The following SAG variants were observed in gnomAD, a reference collection of about 807,000 sequenced individuals.
SAG encodes the protein S-antigen visual arrestin.
In SAG, 45 loss-of-function variants were observed where a neutral mutation model predicts 55.0. That is an observed-to-expected ratio of 0.82 (90% CI 0.64 to 1.05). The LOEUF (loss-of-function observed/expected upper bound fraction) is 1.05. Ranked by LOEUF, SAG falls within the 50% of genes least tolerant of loss-of-function variation. SAG has a pLI of 0.00. For missense variants in SAG, 455 were observed against 512.1 expected (o/e 0.89, Z 1.08); for synonymous variants, 189 against 197.4 (o/e 0.96, Z 0.36).
chr2:233,311,339 G>A (rs1057235996), intron 2 of SAG, among the ~76,000 whole-genome samples: 6 of 152,278 alleles, frequency 3.9e-5, no homozygotes, highest in South Asian at 2.1e-4. Flanking sequence ...CCAGAAGGAA[G>A]AGGCTGTGGT....
At chr2:233,311,896 C>T (rs1208981962) in intron 2 of SAG, among the ~76,000 whole-genome samples, 1 of 152,272 alleles carries the variant, frequency 6.6e-6, no homozygotes, top group South Asian at 2.1e-4. Context: ...GAGGCCAAGG[C>T]AGGTGGATCA....
intron 13 of SAG, among the ~76,000 whole-genome samples, chr2:233,341,122 C>T (rs1412606823): frequency 6.6e-6 from 1 of 152,040 alleles, no homozygotes; most frequent in Non-Finnish European, 1.5e-5. Context: ...CAAATTTTAC[C>T]ATTTTAACCG....
Position 233,346,934 on chromosome 2 carries a change from GA to G in SAG, c.*26del, listed in dbSNP as rs1701271681. On this transcript the variant is annotated 3_prime_UTR_variant, in exon 16 of 16. Transcript: ENST00000409110. ...GTGAAGATGTCGGCTCAGGATGCCG[GA>G]AAATGACCTGTAGTTACCAGTGCAA... is the stretch of plus-strand genomic sequence containing the variant. 2.1e-6 allele frequency: 3 copies of G among 1,420,504 alleles called. No homozygotes were observed. Among genetic ancestry groups the G allele is most frequent in the Non-Finnish European group, 3.0e-6 (3 of 1,010,348 alleles). 88.0% of individuals were successfully genotyped at this position (1,420,504 alleles called of 1,614,324 possible). A position where few individuals can be genotyped will look rare whatever the true frequency, so the allele number is the denominator to read the frequency against.
chr2:233,318,810 C>G lies in SAG; in HGVS notation c.181+15C>G. 1 of 1,611,826 alleles carries G rather than the reference C, an allele frequency of 6.2e-7. No individual in the cohort carries two copies. The highest frequency in any genetic ancestry group is 1.1e-5 in the South Asian group (1 of 91,026). On this transcript the variant is annotated intron_variant, in intron 4 of 15. Coordinates refer to ENST00000409110, the MANE Select transcript of SAG (RefSeq NM_000541.5). ...GGGAAAGAAAGGTGAGATGAAGCCC[C>G]TTGTCTCAGGCTGGTTTCTGGGCGG...
intron 3 of SAG, among the ~76,000 whole-genome samples, chr2:233,318,534 G>A (rs1700281043): frequency 1.3e-5 from 2 of 151,730 alleles, no homozygotes; most frequent in African/African-American, 4.8e-5. Flanking sequence ...CACCTGACCT[G>A]GAAAAATAAA....
At chr2:233,328,636 A>C in intron 8 of SAG, 23 bp downstream of exon 8, 1 of 1,592,370 alleles carries the variant, frequency 6.3e-7, no homozygotes, top group Non-Finnish European at 8.6e-7. Context: ...CATCGCTACT[A>C]CCCGCAGGGC....
chr2:233,322,919 T>C (rs528775314), intron 5 of SAG, 27 bp from the exon 6 acceptor site: 11 of 1,402,974 alleles, frequency 7.8e-6, no homozygotes, highest in Middle Eastern at 1.7e-4. Flanking sequence ...CTGAAATAAA[T>C]GATTTTTTAT....
intron 12 of SAG, among the ~76,000 whole-genome samples, chr2:233,339,974 T>C (rs1701050930): frequency 6.7e-6 from 1 of 149,716 alleles, no homozygotes; most frequent in South Asian, 2.1e-4. Flanking sequence ...CTTTTTTTTT[T>C]GAGACGGAGT....
chr2:233,311,551 C>T (rs976068132), intron 2 of SAG, among the ~76,000 whole-genome samples: 1 of 152,134 alleles, frequency 6.6e-6, no homozygotes, highest in African/African-American at 2.4e-5. Context: ...AGATGGTGGT[C>T]CCTGAACAAT....
chr2:233,329,154 C>CT, intron 8 of SAG: 1 of 360,140 alleles, frequency 2.8e-6, no homozygotes, highest in Non-Finnish European at 5.2e-6. Context: ...GTGGGTGTGC[C>CT]AGGGGCTGTG....
chr2:233,323,708 G>T (rs556150465), intron 6 of SAG, among the ~76,000 whole-genome samples: 3 of 151,976 alleles, frequency 2.0e-5, no homozygotes, highest in Admixed American at 2.0e-4. Flanking sequence ...AATTTCAAAC[G>T]TACCCAAAAG....
chr2:233,310,884 C>T (rs1475332428), intron 2 of SAG, among the ~76,000 whole-genome samples: 1 of 152,102 alleles, frequency 6.6e-6, no homozygotes, highest in Non-Finnish European at 1.5e-5. Context: ...GGAGATCCGG[C>T]TTTGCCTGTG....
At chr2:233,316,898 T>G (rs1362395092) in intron 3 of SAG, among the ~76,000 whole-genome samples, 2 of 152,188 alleles carry the variant, frequency 1.3e-5, no homozygotes, top group African/African-American at 2.4e-5. Context: ...TTGCAGTTTT[T>G]TGCCATTACT....
chr2:233,328,436 CT>C, intron 7 of SAG, 41 bp from the exon 8 acceptor site: 1 of 1,598,030 alleles, frequency 6.3e-7, no homozygotes, highest in Non-Finnish European at 8.6e-7. Context: ...CTAAAGCGGC[CT>C]GGGTGCCAAT....
chr2:233,313,539 C>T (rs1490007346), intron 2 of SAG, among the ~76,000 whole-genome samples: 1 of 150,944 alleles, frequency 6.6e-6, no homozygotes, highest in East Asian at 1.9e-4. Context: ...GAGACAGGGT[C>T]TTACTCTGGA....
chr2:233,336,775 G>T (rs929383397), intron 11 of SAG, among the ~76,000 whole-genome samples: 2 of 152,132 alleles, frequency 1.3e-5, no homozygotes, highest in African/African-American at 4.8e-5. Context: ...CAGTTCAGCA[G>T]CTGCTTGGCC....
chr2:233,339,498 T>C (rs1266022969), intron 12 of SAG, among the ~76,000 whole-genome samples: 1 of 151,330 alleles, frequency 6.6e-6, no homozygotes, highest in Non-Finnish European at 1.5e-5. Context: ...TCTAACAAAG[T>C]AGAACATGGG....
At chr2:233,312,709 G>A (rs1340420727) in intron 2 of SAG, among the ~76,000 whole-genome samples, 2 of 152,148 alleles carry the variant, frequency 1.3e-5, no homozygotes, top group Admixed American at 1.3e-4. Context: ...CATTCTCGGG[G>A]CCCCGGGCTT....
chr2:233,331,562 T>A (rs912051561), intron 9 of SAG, 78 bp from the exon 10 acceptor site: 3 of 881,328 alleles, frequency 3.4e-6, no homozygotes, highest in African/African-American at 3.3e-5. Flanking sequence ...GACCAGCGTG[T>A]ACCCTGGGAG....
Sources: allele counts gnomAD v4.1 joint callset (sites outside exome capture counted in the v4.1 genomes callset), GRCh38; gene constraint gnomAD v4.1.1; transcripts MANE v1.5; gene names NCBI Gene and HGNC (gene_info 2026-07-23, HGNC 2026-07-21).